Variants in DOK6 observed in about 807,000 individuals in gnomAD.
The protein encoded by DOK6 is downstream of tyrosine kinase 6.
Under a neutral mutation model 44.0 loss-of-function variants are expected in DOK6, and 22 were observed. That is an observed-to-expected ratio of 0.50 (90% CI 0.36 to 0.71). The LOEUF (loss-of-function observed/expected upper bound fraction) is 0.71. Ranked by LOEUF, DOK6 falls within the 30% of genes least tolerant of loss-of-function variation. The probability of loss-of-function intolerance (pLI) is 0.00; values close to 1 mark genes in which losing one functional copy is unlikely to be tolerated. For missense variants in DOK6, 340 were observed against 416.4 expected (o/e 0.82, Z 1.60); for synonymous variants, 166 against 145.5 (o/e 1.14, Z -1.01).
chr18:69,695,209 C>G (rs544317987), intron 4 of DOK6, among the ~76,000 whole-genome samples: 1 of 152,290 alleles, frequency 6.6e-6, no homozygotes, highest in African/African-American at 2.4e-5. Flanking sequence ...GTCAACATCT[C>G]TTAGGAATAA....
chr18:69,401,841 G>C (rs2038593711), intron 1 of DOK6, among the ~76,000 whole-genome samples: 1 of 152,140 alleles, frequency 6.6e-6, no homozygotes, highest in Admixed American at 6.5e-5. Context: ...GGCGGCTCCC[G>C]CGCCCCGCAA....
intron 6 of DOK6, among the ~76,000 whole-genome samples, chr18:69,753,961 AT>A (rs1057334076): frequency 5.3e-5 from 8 of 152,136 alleles, no homozygotes; most frequent in African/African-American, 1.7e-4. Flanking sequence ...TCATAACATA[AT>A]TTTTTATATA....
chr18:69,476,483 G>A (rs1447533674), intron 1 of DOK6, among the ~76,000 whole-genome samples: 248 of 152,314 alleles, frequency 1.6e-3, no homozygotes, highest in East Asian at 0.012. Context: ...ATCAGTCAGA[G>A]TTCCCGGAGG....
intron 3 of DOK6, among the ~76,000 whole-genome samples, chr18:69,669,039 ATCT>A (rs1482776465): frequency 2.0e-5 from 3 of 152,244 alleles, no homozygotes; most frequent in African/African-American, 7.2e-5. Context: ...CAGGACCCTA[ATCT>A]TCTACTTTTT....
rs192461710 is a variant in DOK6, at chr18:69,654,601, A to C, written c.290-23133A>C. On this transcript the variant is annotated intron_variant, in intron 3 of 7. Transcript: ENST00000382713. Reference sequence around the variant, plus strand: ...AATTAAAATGGTGAATTGTCATCCAAATGAAGGCTTGCCCCTCTTATGAAT... The same window carrying C: ...AATTAAAATGGTGAATTGTCATCCACATGAAGGCTTGCCCCTCTTATGAAT... Among the ~76,000 whole-genome samples, 18 of 152,350 alleles carry C rather than the reference A, an allele frequency of 1.2e-4. No individual in the cohort carries two copies. The East Asian group carries it at 3.3e-3, about 28-fold the overall frequency.
intron 3 of DOK6, among the ~76,000 whole-genome samples, chr18:69,627,898 T>C (rs1198808468): frequency 2.0e-5 from 3 of 152,202 alleles, no homozygotes; most frequent in African/African-American, 7.2e-5. Flanking sequence ...TTTTTCAATA[T>C]CATTATCCAC....
At chr18:69,610,867 T>C (rs1984122021) in intron 3 of DOK6, among the ~76,000 whole-genome samples, 1 of 152,032 alleles carries the variant, frequency 6.6e-6, no homozygotes. Context: ...TTGATTTTGG[T>C]ATTTGAGGGT....
rs1279419878 is a variant in DOK6 at position 69,625,814 on chromosome 18, C to T, written c.289+26316C>T. ...AAACTCAGGCTTGATCATTCTGAAA[C>T]CAGTTTTTTGTTTGTTTGTTTGTCT... On this transcript the variant is annotated intron_variant, in intron 3 of 7. Coordinates refer to ENST00000382713, the MANE Select transcript of DOK6 (RefSeq NM_152721.6). 9.9e-5 allele frequency among the ~76,000 whole-genome samples: 15 copies of T among 152,230 alleles called. No individual in the cohort carries two copies. In the Middle Eastern group the frequency reaches 0.01, roughly 104 times the overall value.
At chr18:69,558,058 T>C (rs1052158067) in intron 1 of DOK6, among the ~76,000 whole-genome samples, 1 of 152,176 alleles carries the variant, frequency 6.6e-6, no homozygotes, top group African/African-American at 2.4e-5. Context: ...AGAATGTGTA[T>C]CTTTCATTTA....
Position 69,580,274 on chromosome 18 carries a change from T to C in DOK6, c.174+15680T>C, listed in dbSNP as rs150327097. The stretch of plus-strand genomic sequence containing the variant: ...GTTGTTGACAGGATTCAGTTCCTTG[T>C]AGCTGTAGAGCTGACTTCCTGTTTC... On this transcript the variant is annotated intron_variant, in intron 2 of 7. Coordinates refer to ENST00000382713, the MANE Select transcript of DOK6 (RefSeq NM_152721.6). 2.3e-3 allele frequency among the ~76,000 whole-genome samples: 357 copies of C among 152,280 alleles called. 1 individual carries two copies. Among genetic ancestry groups the C allele is most frequent in the Non-Finnish European group, 4.5e-3 (307 of 68,018 alleles).
chr18:69,744,449 A>AT (rs78562656), intron 6 of DOK6, among the ~76,000 whole-genome samples: 84,573 of 151,680 alleles, frequency 0.56, 25,251 homozygotes, highest in East Asian at 0.69. Flanking sequence ...CATATTTGTG[A>AT]TTTTTTTTCT....
At chr18:69,633,667 C>T (rs569296554) in intron 3 of DOK6, among the ~76,000 whole-genome samples, 2 of 152,104 alleles carry the variant, frequency 1.3e-5, no homozygotes, top group Non-Finnish European at 2.9e-5. Flanking sequence ...TACATTTTAA[C>T]TTATGAAACA....
chr18:69,833,562 T>A (rs1568139762), intron 7 of DOK6, among the ~76,000 whole-genome samples: 5 of 152,030 alleles, frequency 3.3e-5, no homozygotes, highest in Admixed American at 3.3e-4. Context: ...ACAAATGGTA[T>A]TACATCATGC....
intron 3 of DOK6, among the ~76,000 whole-genome samples, chr18:69,658,874 G>C (rs1260309228): frequency 6.6e-6 from 1 of 152,122 alleles, no homozygotes; most frequent in East Asian, 1.9e-4. Flanking sequence ...AGCTATAAAA[G>C]TAAGCCTGCA....
At chr18:69,565,530 T>G (rs1982956852) in intron 2 of DOK6, among the ~76,000 whole-genome samples, 1 of 67,110 alleles carries the variant, frequency 1.5e-5, no homozygotes, top group Non-Finnish European at 2.8e-5. Flanking sequence ...TGTATATATA[T>G]ATACATAATT....
At chr18:69,792,503 A>G (rs1345467937) in intron 7 of DOK6, among the ~76,000 whole-genome samples, 2 of 152,052 alleles carry the variant, frequency 1.3e-5, no homozygotes, top group Non-Finnish European at 2.9e-5. Flanking sequence ...GCTGACAAAT[A>G]GAAATGCTAC....
intron 3 of DOK6, among the ~76,000 whole-genome samples, chr18:69,627,083 G>A (rs1984573664): frequency 1.3e-5 from 2 of 152,162 alleles, no homozygotes; most frequent in African/African-American, 4.8e-5. Context: ...GAGACGGGCA[G>A]TCATTGAAGG....
At chr18:69,485,440 C>T (rs1346331000) in intron 1 of DOK6, among the ~76,000 whole-genome samples, 1 of 152,090 alleles carries the variant, frequency 6.6e-6, no homozygotes, top group African/African-American at 2.4e-5. Flanking sequence ...GGCATTGCCT[C>T]ATTCAGTTGG....
intron 3 of DOK6, among the ~76,000 whole-genome samples, chr18:69,649,481 C>T (rs916886987): frequency 3.9e-5 from 6 of 152,080 alleles, no homozygotes; most frequent in African/African-American, 9.7e-5. Context: ...CAGGGATTTG[C>T]GGCTTCTTTT....
Sources: allele counts gnomAD v4.1 joint callset (sites outside exome capture counted in the v4.1 genomes callset), GRCh38; gene constraint gnomAD v4.1.1; transcripts MANE v1.5; gene names NCBI Gene and HGNC (gene_info 2026-07-23, HGNC 2026-07-21).